NF1: variants seen among roughly 807,000 people sequenced by gnomAD.
NF1 encodes the protein neurofibromin.
In NF1, 122 loss-of-function variants were observed where a neutral mutation model predicts 325.7. The ratio of observed to expected loss-of-function variants is 0.37; its 90% CI spans 0.32 to 0.44. The LOEUF is 0.44. Ranked by LOEUF, NF1 falls within the 20% of genes least tolerant of loss-of-function variation. NF1 has a pLI of 1.00. For missense variants in NF1, 2,140 were observed against 3,415.4 expected, an observed-to-expected ratio of 0.63 and a Z score of 9.31; for synonymous variants, 1,091 against 1,186.0, an observed-to-expected ratio of 0.92 and a Z score of 1.65.
At chr17:31,330,224 A>G (rs1407715798) in intron 38 of NF1, 72 bp from the exon 39 acceptor site, 24 of 1,210,580 alleles carry the variant, frequency 2.0e-5, no homozygotes, top group Non-Finnish European at 2.8e-5. Context: ...CACAAATTGT[A>G]TGTTATGAAA....
chr17:31,235,101 C>T (rs926002545), intron 27 of NF1, among the ~76,000 whole-genome samples: 10 of 152,022 alleles, frequency 6.6e-5, no homozygotes, highest in African/African-American at 2.2e-4. Context: ...TGCCCAATTC[C>T]TTTTCTTCCT....
chr17:31,276,279 C>G (rs1041756211), intron 36 of NF1, among the ~76,000 whole-genome samples: 3 of 150,982 alleles, frequency 2.0e-5, no homozygotes, highest in Non-Finnish European at 4.4e-5. Context: ...CCTGTTTCTC[C>G]ATGTCGGAGG....
intron 17 of NF1, among the ~76,000 whole-genome samples, chr17:31,225,539 A>G (rs535696095): frequency 2.6e-4 from 39 of 152,146 alleles, no homozygotes; most frequent in Non-Finnish European, 5.0e-4. Flanking sequence ...ATATCTGATA[A>G]TTATAATTAT....
intron 12 of NF1, among the ~76,000 whole-genome samples, chr17:31,212,251 C>A (rs912806056): frequency 2.0e-5 from 3 of 152,174 alleles, no homozygotes; most frequent in African/African-American, 7.2e-5. Context: ...TGTCTTCCAC[C>A]TCCACATCTG....
chr17:31,222,464 A>G, intron 15 of NF1: 1 of 1,031,610 alleles, frequency 9.7e-7, no homozygotes, highest in East Asian at 6.1e-5. Context: ...CACGGAGGAA[A>G]ATGTAAATGT....
At position 31,191,194 on chromosome 17, in the gene NF1, A is replaced by G. The variant is rs543546449; in HGVS notation, c.888+8529A>G. Among the ~76,000 whole-genome samples, 14 of 152,364 alleles carry G rather than the reference A, an allele frequency of 9.2e-5. No homozygotes were observed. The South Asian group carries it at 2.7e-3, about 29-fold the overall frequency. On this transcript the variant is annotated intron_variant, in intron 8 of 57. Transcript: ENST00000358273. ...AATATGTGTATAGATTTAAATATTT[A>G]TCTCTGTGAATATTAATCCATAGAT...
chr17:31,194,914 T>C (rs2143845839), intron 8 of NF1, among the ~76,000 whole-genome samples: 2 of 152,310 alleles, frequency 1.3e-5, no homozygotes, highest in South Asian at 4.1e-4. Flanking sequence ...TTAGAAAATA[T>C]GTATAATTAA....
chr17:31,121,658 CT>C (rs900165963), intron 1 of NF1, among the ~76,000 whole-genome samples: 5 of 151,958 alleles, frequency 3.3e-5, no homozygotes, highest in South Asian at 4.2e-4. Context: ...TATCAAAGGC[CT>C]TTTCTTCATC....
chr17:31,362,277 T>C, intron 57 of NF1: 1 of 984,806 alleles, frequency 1.0e-6, no homozygotes, highest in African/African-American at 1.7e-5. Flanking sequence ...TAAAATTTAC[T>C]TTTTTTACAG....
chr17:31,367,333 C>G lies in NF1; in HGVS notation c.8377+6630C>G, dbSNP rs964247966. 7.9e-6 allele frequency: 9 copies of G among 1,140,742 alleles called. No homozygotes were observed. The Admixed American group carries it at 1.6e-4, about 21-fold the overall frequency. 70.7% of individuals were successfully genotyped at this position (1,140,742 alleles called of 1,614,324 possible). ...AAAATACTGCTTACCCCACACTCAT[C>G]CTGGGCACATAGCATGAGACTTTAC... On this transcript the variant is annotated intron_variant, in intron 57 of 57. Coordinates refer to ENST00000358273, the MANE Select transcript of NF1 (RefSeq NM_001042492.3).
At chr17:31,222,025 A>G in intron 15 of NF1, 96 bp downstream of exon 15, 1 of 1,327,738 alleles carries the variant, frequency 7.5e-7, no homozygotes, top group Non-Finnish European at 9.7e-7. Context: ...ACATTGTAAA[A>G]CTTACACTTC....
At chr17:31,373,565 C>G (rs2070685229) in intron 57 of NF1, among the ~76,000 whole-genome samples, 1 of 152,202 alleles carries the variant, frequency 6.6e-6, no homozygotes, top group Non-Finnish European at 1.5e-5. Flanking sequence ...TAGCAATTGA[C>G]TATTAAAATG....
chr17:31,155,341 A>G (rs2065641007), intron 1 of NF1, among the ~76,000 whole-genome samples: 1 of 152,184 alleles, frequency 6.6e-6, no homozygotes, highest in African/African-American at 2.4e-5. Flanking sequence ...CTTCTCATAG[A>G]ATATTTTTTC....
intron 57 of NF1, chr17:31,367,376 C>T: frequency 1.3e-6 from 1 of 747,084 alleles, no homozygotes; most frequent in South Asian, 1.6e-5. Flanking sequence ...TCCCTGTAAG[C>T]TCAGTCTGCC....
In NF1 at chr17:31,351,903, T is replaced by A. The variant is rs546305679; in HGVS notation, c.7458-354T>A. Among the ~76,000 whole-genome samples, 18 of 152,012 alleles carry A rather than the reference T, an allele frequency of 1.2e-4. No individual in the cohort carries two copies. In the South Asian group the frequency reaches 3.7e-3, roughly 32 times the overall value. ...GCTCATCAACTGTAGTTAGTGTTAGTGTATTTTATATGTGGCCCAGTATAT... is the reference window on the plus strand; with the variant it reads ...GCTCATCAACTGTAGTTAGTGTTAGAGTATTTTATATGTGGCCCAGTATAT... On this transcript the variant is annotated intron_variant, in intron 50 of 57. Coordinates refer to ENST00000358273, the MANE Select transcript of NF1 (RefSeq NM_001042492.3).
At chr17:31,300,337 A>G (rs1001169166) in intron 36 of NF1, among the ~76,000 whole-genome samples, 5 of 151,968 alleles carry the variant, frequency 3.3e-5, no homozygotes, top group Admixed American at 3.3e-4. Flanking sequence ...CTTTTTGAAA[A>G]CCTAAAAAAA....
intron 36 of NF1, among the ~76,000 whole-genome samples, chr17:31,316,721 A>C (rs1190997471): frequency 6.6e-6 from 1 of 152,192 alleles, no homozygotes; most frequent in Non-Finnish European, 1.5e-5. Context: ...CATGACTGGC[A>C]TGAATATTCT....
rs17882652 is a variant in NF1, at chr17:31,126,341, G to A, written c.61-29642G>A. On this transcript the variant is annotated intron_variant, in intron 1 of 57. Transcript: ENST00000358273. ...TATTTATTCTGTGAAATGTATTTGT[G>A]TTTCTTATTCTGTGAAGTGTCTGTA... Among the ~76,000 whole-genome samples the A allele has an allele frequency of 1.6e-3, 245 of 152,190 alleles. 2 individuals carry two copies. Among genetic ancestry groups the A allele is most frequent in the African/African-American group, 5.5e-3 (229 of 41,520 alleles).
rs1166234583 is a variant in NF1 at position 31,200,407 on chromosome 17, A to G, written c.889-15A>G. The G allele has an allele frequency of 1.2e-6, 2 of 1,613,536 alleles. No homozygotes were observed. Among genetic ancestry groups the G allele is most frequent in the South Asian group, 2.2e-5 (2 of 91,074 alleles). Reference sequence around the variant, plus strand: ...ACTTCATATATTATCTTATCGCTATATTTGAATTCTGTAGAAGTTATTTCT... The same window carrying G: ...ACTTCATATATTATCTTATCGCTATGTTTGAATTCTGTAGAAGTTATTTCT... On this transcript the variant is annotated splice_polypyrimidine_tract_variant and intron_variant, in intron 8 of 57. Transcript: ENST00000358273.
Sources: allele counts gnomAD v4.1 joint callset (sites outside exome capture counted in the v4.1 genomes callset), GRCh38; gene constraint gnomAD v4.1.1; transcripts MANE v1.5; gene names NCBI Gene and HGNC (gene_info 2026-07-23, HGNC 2026-07-21).